Variants in NOL6 observed in about 807,000 individuals in gnomAD.
NOL6 encodes the protein nucleolar protein 6, also known as nucleolar RNA-associated protein.
NOL6 carries 33 observed loss-of-function variants against 131.7 expected under a neutral mutation model. That is an observed-to-expected ratio of 0.25 (90% confidence interval 0.19 to 0.33). The LOEUF (loss-of-function observed/expected upper bound fraction) is 0.33. Among genes scored for constraint, NOL6 ranks in the 10% least tolerant of loss-of-function variants. NOL6 has a pLI of 1.00. For missense variants in NOL6, 1,297 were observed against 1,494.5 expected, an observed-to-expected ratio of 0.87 and a Z score of 2.18; for synonymous variants, 580 against 605.7, an observed-to-expected ratio of 0.96 and a Z score of 0.62.
intron 2 of NOL6, 21 bp from the exon 3 acceptor site, chr9:33,472,141 C>T: frequency 6.2e-7 from 1 of 1,612,672 alleles, no homozygotes; most frequent in Non-Finnish European, 8.5e-7. Flanking sequence ...GGGTAGAAGA[C>T]AGTCCATCAG....
intron 4 of NOL6, 83 bp from the exon 5 acceptor site, chr9:33,469,750 G>A (rs1827356722): frequency 6.6e-7 from 1 of 1,520,280 alleles, no homozygotes; most frequent in Non-Finnish European, 8.9e-7. Context: ...AGGTGAGAGA[G>A]CCAGGGCTCC....
intron 24 of NOL6, 50 bp from the exon 25 acceptor site, chr9:33,463,184 C>A: frequency 6.2e-7 from 1 of 1,609,278 alleles, no homozygotes; most frequent in Non-Finnish European, 8.5e-7. Flanking sequence ...TTAAGAGCTC[C>A]TCCACAGCCT....
In NOL6 at chr9:33,467,606, G is replaced by A; in HGVS notation, c.1602+85C>T. 1 of 1,574,604 alleles carries A rather than the reference G, an allele frequency of 6.4e-7. No individual in the cohort carries two copies. The highest frequency in any genetic ancestry group is 8.6e-7 in the Non-Finnish European group (1 of 1,158,096). On this transcript the variant is annotated intron_variant, in intron 12 of 25. Coordinates refer to ENST00000297990, the MANE Select transcript of NOL6 (RefSeq NM_022917.5). The surrounding 1 kb of genome is among the most constrained non-coding windows in gnomAD (Gnocchi z 4.4). ...TCTAGCTAGCTAGAAACGCCTAGCT[G>A]GAGGAATGGTGTGTCCTTTGTGTCT...
Position 33,469,239 on chromosome 9 carries a change from G to A in NOL6, c.830C>T (p.Ala277Val). 1 of 1,614,226 alleles carries A rather than the reference G, an allele frequency of 6.2e-7. No homozygotes were observed. The highest frequency in any genetic ancestry group is 8.5e-7 in the Non-Finnish European group (1 of 1,180,052). Residue 277 changes from alanine to valine, a missense_variant, in exon 6 of 26, where the codon GCC (alanine) becomes GTC (valine). Physicochemically the swap from Ala to Val is moderately conservative, Grantham distance 64. Transcript: ENST00000297990. ...TGCAGGACTCTGCCCTCGGTACCAG[G>A]CAGAGCGCACATTGTTCTTGGTTGG... ...LLPTKNNVRS[A>V]WYRGQSPAGD...
rs1369620789 is a variant in NOL6, at chr9:33,462,502, G to C, written c.*162C>G. ...TGCCCCAATGCTGGAGCATCAGAGA[G>C]AAAGTTGGGGCTGGGTTTTGTTGGA... On this transcript the variant is annotated 3_prime_UTR_variant, in exon 26 of 26. Coordinates refer to ENST00000297990, the MANE Select transcript of NOL6 (RefSeq NM_022917.5). 1 of 777,454 alleles carries C rather than the reference G, an allele frequency of 1.3e-6. No individual in the cohort carries two copies. Among genetic ancestry groups the C allele is most frequent in the Non-Finnish European group, 2.0e-6 (1 of 488,826 alleles). 48.2% of individuals were successfully genotyped at this position (777,454 alleles called of 1,614,324 possible).
chr9:33,463,784 G>T (rs371156677), intron 23 of NOL6, 47 bp downstream of exon 23: 7 of 1,593,018 alleles, frequency 4.4e-6, no homozygotes, highest in Non-Finnish European at 6.0e-6. Context: ...AACTTCCAAA[G>T]ACAGAATCCC....
intron 21 of NOL6, 66 bp from the exon 22 acceptor site, chr9:33,464,227 G>A: frequency 6.5e-7 from 1 of 1,528,562 alleles, no homozygotes; most frequent in Admixed American, 2.0e-5. Flanking sequence ...ACTCCCCCAG[G>A]TCCTCCTACG....
chr9:33,472,022 G>A lies in NOL6; in HGVS notation c.360C>T (p.Pro120=). 1 of 1,612,202 alleles carries A rather than the reference G, an allele frequency of 6.2e-7. No homozygotes were observed. The highest frequency in any genetic ancestry group is 8.5e-7 in the Non-Finnish European group (1 of 1,179,860). The part of the protein sequence containing the change: ...REVNQRVVRV[P]SVPETELTDQ... ...TGCTTACCTCTGTCTCAGGGACTGA[G>A]GGCACCCTCACAACCCGCTGGTTGA... Residue 120 remains proline, a synonymous_variant, in exon 3 of 26, where the codon CCC becomes CCT. Transcript: ENST00000297990.
intron 23 of NOL6, 122 bp downstream of exon 23, chr9:33,463,709 A>G: frequency 5.5e-6 from 6 of 1,085,318 alleles, no homozygotes; most frequent in Non-Finnish European, 6.6e-6. Context: ...AGCAGCTTCA[A>G]CACCTCCTCT....
At position 33,473,896 on chromosome 9, in the gene NOL6, C is replaced by T. The variant is rs1319251806; in HGVS notation, c.-54G>A. On this transcript the variant is annotated 5_prime_UTR_variant, in exon 1 of 26. It removes an upstream start codon present in the reference 5' UTR. Transcript: ENST00000297990. The stretch of plus-strand genomic sequence containing the variant: ...TCAGATTCTAGCCGGGTCTATACCT[C>T]ATAGCTTCCCACGTGGGCGGAAATG... 1.3e-6 allele frequency: 2 copies of T among 1,592,248 alleles called. No homozygotes were observed. The highest frequency in any genetic ancestry group is 1.3e-5 in the African/African-American group (1 of 74,514).
rs1203915749 is a variant in NOL6, at chr9:33,468,519, C to G, written c.1195G>C (p.Asp399His). 1 of 1,614,032 alleles carries G rather than the reference C, an allele frequency of 6.2e-7. No individual in the cohort carries two copies. Among genetic ancestry groups the G allele is most frequent in the Non-Finnish European group, 8.5e-7 (1 of 1,180,022 alleles). The change falls in exon 9 of 26, where the codon GAT becomes CAT. Residue 399 changes from aspartate to histidine, a missense_variant. Transcript: ENST00000297990. ...VNGISLCLSS[D>H]PSLPALADFH... ...CTTCCCCAACTCACCAAAGAGGGAT[C>G]TGAGCTGAGACATAAACTGATCCCG... is the stretch of plus-strand genomic sequence containing the variant.
In NOL6 at chr9:33,467,867, G is replaced by C. The variant is rs867864018; in HGVS notation, c.1426C>G (p.Leu476Val). Residue 476 changes from leucine to valine, a missense_variant and splice_region_variant, in exon 12 of 26, where the codon CTC becomes GTC. Leu to Val is a conservative substitution (Grantham distance 32, BLOSUM62 1). Transcript: ENST00000297990. The surrounding 1 kb of genome is among the most constrained non-coding windows in gnomAD (Gnocchi z 4.4). ...MIRAFDHVLH[L>V]RPLSRLQAAC... The stretch of plus-strand genomic sequence containing the variant: ...GCCTGCAGGCGACTCAGTGGACGGA[G>C]ACTGGAGGGGTACAAAGGGCCAAAG... The C allele has an allele frequency of 1.4e-5, 23 of 1,587,914 alleles. No homozygotes were observed. The Middle Eastern group carries it at 2.5e-3, about 176-fold the overall frequency.
Position 33,465,810 on chromosome 9 carries a change from G to C in NOL6, c.2452C>G (p.Leu818Val), listed in dbSNP as rs373305411. 1,060 of 1,614,094 alleles carry C rather than the reference G, an allele frequency of 6.6e-4. 17 individuals carry two copies. The South Asian group carries it at 0.011, about 16-fold the overall frequency. ...CGGAGGGAGGCAGCTGTGTCCCTCA[G>C]CGAGATCATCCCCTCTGGGCTCTGC... is the stretch of plus-strand genomic sequence containing the variant. The part of the protein sequence containing the change: ...EVQSPEGMIS[L>V]RDTAASLRLE... The change falls in exon 19 of 26, where the codon CTG (leucine) becomes GTG (valine). Residue 818 changes from leucine (L) to valine (V), a missense_variant. Transcript: ENST00000297990.
chr9:33,466,870 T>C (rs749775979), intron 15 of NOL6, 42 bp downstream of exon 15: 1 of 1,600,180 alleles, frequency 6.2e-7, no homozygotes, highest in East Asian at 2.2e-5. Context: ...CCCCGCAGAT[T>C]GATTACTCTA....
chr9:33,462,022 CCT>C lies in NOL6; in HGVS notation c.*640_*641del, dbSNP rs1827105937. ...TCCAAGATTGGGTGACTACCAGTCC[CCT>C]GACCCCTTCACCTACCCAATCCTTT... is the stretch of plus-strand genomic sequence containing the variant. On this transcript the variant is annotated 3_prime_UTR_variant, in exon 26 of 26. Transcript: ENST00000297990. 1 of 663,138 alleles carries C rather than the reference CCT, an allele frequency of 1.5e-6. No homozygotes were observed. Among genetic ancestry groups the C allele is most frequent in the Non-Finnish European group, 2.8e-6 (1 of 354,958 alleles). The allele number at this position is 663,138 out of a possible 1,614,324, so 41.1% of individuals were successfully genotyped here. A position where few individuals can be genotyped will look rare whatever the true frequency, so the allele number is the denominator to read the frequency against.
chr9:33,470,394 A>AGGT, intron 3 of NOL6: 1 of 419,822 alleles, frequency 2.4e-6, no homozygotes, highest in Non-Finnish European at 4.1e-6. Context: ...AGCTCTGTTA[A>AGGT]GAATACCCAT....
intron 10 of NOL6, 22 bp from the exon 11 acceptor site, chr9:33,468,167 T>C: frequency 6.2e-7 from 1 of 1,614,122 alleles, no homozygotes; most frequent in South Asian, 1.1e-5. Flanking sequence ...GAAGGGACCA[T>C]CCCTGTGCCC....
intron 1 of NOL6, 114 bp downstream of exon 1, chr9:33,473,675 G>T: frequency 8.0e-7 from 1 of 1,251,186 alleles, no homozygotes. Context: ...ACATCCTCCA[G>T]AATGGGCCGC....
chr9:33,462,697 A>C lies in NOL6; in HGVS notation c.3408T>G (p.Thr1136=), dbSNP rs1251448282. 6.2e-7 allele frequency: 1 copy of C among 1,614,018 alleles called. No individual in the cohort carries two copies. The highest frequency in any genetic ancestry group is 2.2e-5 in the East Asian group (1 of 44,898). The change falls in exon 26 of 26, where the codon ACT becomes ACG. Residue 1136 remains threonine (T), a synonymous_variant. Coordinates refer to ENST00000297990, the MANE Select transcript of NOL6 (RefSeq NM_022917.5). Reference sequence around the variant, plus strand: ...TCCACCTCTCACTTCGGGCCTCCACAGTCTGCACCAGGCCTTCACCCAGCA... The same window carrying C: ...TCCACCTCTCACTTCGGGCCTCCACCGTCTGCACCAGGCCTTCACCCAGCA... ...FAVLGEGLVQ[T]VEARSERWTV is the part of the protein sequence containing the mutation.
Sources: gnomAD v4.1 joint callset for allele counts on GRCh38, gnomAD v4.1.1 for gene constraint, Gnocchi (gnomAD v3.1) non-coding constraint, MANE v1.5 for transcripts, NCBI Gene and HGNC (gene_info 2026-07-23, HGNC 2026-07-21) for gene names.